The following KCNMA1 variants were observed in gnomAD, a reference collection of about 807,000 sequenced individuals.
KCNMA1 encodes the protein Calcium-activated potassium channel subunit alpha-1.
A neutral mutation model predicts 140.0 loss-of-function variants in KCNMA1; 29 were observed. The observed-to-expected ratio is 0.21, with a 90% CI of 0.15 to 0.28. The LOEUF is 0.28. KCNMA1 is among the 10% of genes least tolerant of loss of function. The pLI is 1.00. For missense variants in KCNMA1, 880 were observed against 1,602.2 expected, an observed-to-expected ratio of 0.55 and a Z score of 7.70; for synonymous variants, 612 against 611.9, an observed-to-expected ratio of 1.00 and a Z score of 0.00.
intron 1 of KCNMA1, among the ~76,000 whole-genome samples, chr10:77,463,562 G>A (rs1056214168): frequency 5.9e-5 from 9 of 152,262 alleles, no homozygotes; most frequent in South Asian, 2.1e-4. Flanking sequence ...TGGAGCACAC[G>A]CTAAAAATAC....
At chr10:77,137,844 C>T (rs561452367) in intron 5 of KCNMA1, among the ~76,000 whole-genome samples, 149 of 152,210 alleles carry the variant, frequency 9.8e-4, no homozygotes, top group African/African-American at 2.0e-3. Context: ...TGCAGTGGCA[C>T]GATCACAGCT....
chr10:77,485,382 C>T (rs1483409922), intron 1 of KCNMA1, among the ~76,000 whole-genome samples: 15 of 152,200 alleles, frequency 9.9e-5, no homozygotes, highest in African/African-American at 1.7e-4. Flanking sequence ...TCACTGTTCC[C>T]GTTTCTAATT....
chr10:77,144,957 G>A lies in KCNMA1; in HGVS notation c.809-23909C>T, dbSNP rs1315062130. 3.9e-5 allele frequency among the ~76,000 whole-genome samples: 6 copies of A among 152,288 alleles called. No homozygotes were observed. The South Asian group carries it at 1.0e-3, about 26-fold the overall frequency. On this transcript the variant is annotated intron_variant, in intron 5 of 27. Coordinates refer to ENST00000286628, the MANE Select transcript of KCNMA1 (RefSeq NM_001161352.2). ...AACTATCCAGATTAAAGAAAACGATGTTTGCAAAGCTCTGCACAGGGTCTG... is the reference window on the plus strand; with the variant it reads ...AACTATCCAGATTAAAGAAAACGATATTTGCAAAGCTCTGCACAGGGTCTG...
intron 23 of KCNMA1, among the ~76,000 whole-genome samples, chr10:76,918,691 A>G (rs1331368633): frequency 6.6e-6 from 1 of 152,150 alleles, no homozygotes. Context: ...AGATTCCTCA[A>G]AGAACTAAAA....
At chr10:77,035,457 C>G (rs1364772142) in intron 15 of KCNMA1, among the ~76,000 whole-genome samples, 1 of 152,178 alleles carries the variant, frequency 6.6e-6, no homozygotes, top group Non-Finnish European at 1.5e-5. Flanking sequence ...TTTCCCTTAG[C>G]CAGACAGTAA....
At chr10:77,299,008 T>C (rs141317959) in intron 2 of KCNMA1, among the ~76,000 whole-genome samples, 170 of 152,358 alleles carry the variant, frequency 1.1e-3, no homozygotes, top group Middle Eastern at 3.4e-3. Context: ...GATTTTGTTG[T>C]TGTTGTGTTT....
intron 5 of KCNMA1, among the ~76,000 whole-genome samples, chr10:77,129,105 G>A (rs1033566641): frequency 3.9e-5 from 6 of 152,298 alleles, no homozygotes; most frequent in Admixed American, 2.6e-4. Context: ...ATTCTGATTC[G>A]AGTGTGCAGC....
chr10:76,976,674 C>T (rs893857089), intron 19 of KCNMA1, among the ~76,000 whole-genome samples: 20 of 152,240 alleles, frequency 1.3e-4, no homozygotes, highest in Middle Eastern at 3.4e-3. Flanking sequence ...CATATATCTT[C>T]GCTGTAGACT....
chr10:77,537,291 T>G (rs1160020047), intron 1 of KCNMA1, among the ~76,000 whole-genome samples: 1 of 152,194 alleles, frequency 6.6e-6, no homozygotes, highest in Non-Finnish European at 1.5e-5. Flanking sequence ...TGGTCCATCC[T>G]ATGTCATGCA....
At chr10:77,246,310 G>A (rs984724201) in intron 3 of KCNMA1, among the ~76,000 whole-genome samples, 3 of 152,216 alleles carry the variant, frequency 2.0e-5, no homozygotes, top group Non-Finnish European at 2.9e-5. Flanking sequence ...AGTGGGAATA[G>A]TAATACCTAT....
intron 1 of KCNMA1, among the ~76,000 whole-genome samples, chr10:77,630,900 G>A (rs980626249): frequency 4.6e-5 from 7 of 151,886 alleles, no homozygotes; most frequent in Admixed American, 4.6e-4. Flanking sequence ...GAACCCAGGA[G>A]TTCAAGACAA....
chr10:77,522,899 C>G (rs960552393), intron 1 of KCNMA1, among the ~76,000 whole-genome samples: 1 of 152,172 alleles, frequency 6.6e-6, no homozygotes, highest in Admixed American at 6.5e-5. Context: ...ATAGCAACAC[C>G]TACTGTTAAA....
intron 5 of KCNMA1, among the ~76,000 whole-genome samples, chr10:77,141,933 G>A (rs2098180807): frequency 6.6e-6 from 1 of 152,210 alleles, no homozygotes; most frequent in Non-Finnish European, 1.5e-5. Flanking sequence ...TATGTGCCAA[G>A]CGTTTTGCTG....
chr10:77,419,803 C>T (rs1015703564), intron 1 of KCNMA1, among the ~76,000 whole-genome samples: 4 of 152,164 alleles, frequency 2.6e-5, no homozygotes, highest in African/African-American at 9.7e-5. Flanking sequence ...CTGCAAATCA[C>T]CCTGTGTCAC....
chr10:76,875,874 T>C (rs1410881765), downstream of KCNMA1: 3 of 152,674 alleles, frequency 2.0e-5, no homozygotes, highest in Non-Finnish European at 4.4e-5. Context: ...GTTGACATCA[T>C]TTTAGTCTGC....
At chr10:77,296,918 G>GGGGGGGA (rs34224383) in intron 2 of KCNMA1, among the ~76,000 whole-genome samples, 2 of 144,606 alleles carry the variant, frequency 1.4e-5, no homozygotes, top group Non-Finnish European at 3.1e-5. Context: ...TGGGCGGGGG[G>GGGGGGGA]GCGGTGGGGG....
chr10:77,390,428 C>T (rs916076158), intron 2 of KCNMA1, among the ~76,000 whole-genome samples: 2 of 152,278 alleles, frequency 1.3e-5, no homozygotes, highest in Middle Eastern at 6.8e-3. Flanking sequence ...TGAGCTTTTT[C>T]CTGGAGAGAT....
chr10:77,400,793 T>C (rs2096238808), intron 2 of KCNMA1, among the ~76,000 whole-genome samples: 1 of 152,108 alleles, frequency 6.6e-6, no homozygotes, highest in African/African-American at 2.4e-5. Context: ...CCCTTCAAAC[T>C]GATCATAACA....
chr10:77,434,020 T>C (rs1255287892), intron 1 of KCNMA1, among the ~76,000 whole-genome samples: 4 of 152,324 alleles, frequency 2.6e-5, no homozygotes, highest in Non-Finnish European at 4.4e-5. Context: ...AAACTTTTTA[T>C]GTCACCAACA....
Sources: gnomAD v4.1 joint callset for allele counts (sites outside exome capture counted in the v4.1 genomes callset) on GRCh38, gnomAD v4.1.1 for gene constraint, MANE v1.5 for transcripts, NCBI Gene and HGNC (gene_info 2026-07-23, HGNC 2026-07-21) for gene names.